Variants in PGAP1 observed in about 807,000 individuals in gnomAD.
The protein encoded by PGAP1 is post-GPI attachment to proteins inositol deacylase 1, also known as GPI inositol-deacylase.
In PGAP1, 76 loss-of-function variants were observed where a neutral mutation model predicts 127.0. That is an observed-to-expected ratio of 0.60 (90% CI 0.50 to 0.72). The LOEUF is 0.72. PGAP1 is among the 30% of genes least tolerant of loss of function. PGAP1 has a pLI of 0.00. For synonymous variants in PGAP1, 362 were observed against 366.5 expected (o/e 0.99, Z 0.14); for missense variants, 982 against 1,071.3 (o/e 0.92, Z 1.16).
chr2:196,916,045 G>C (rs558384468), intron 3 of PGAP1, among the ~76,000 whole-genome samples: 1 of 152,138 alleles, frequency 6.6e-6, no homozygotes. Context: ...CTCAAAACAG[G>C]TGCTTCACAT....
chr2:196,916,486 C>G lies in PGAP1; in HGVS notation c.409G>C (p.Gly137Arg), dbSNP rs1405035738. 6.2e-7 allele frequency: 1 copy of G among 1,613,392 alleles called. No individual in the cohort carries two copies. Among genetic ancestry groups the G allele is most frequent in the Admixed American group, 1.7e-5 (1 of 59,938 alleles). Residue 137 changes from glycine to arginine, a missense_variant, in exon 3 of 27, where the codon GGT (glycine) becomes CGT (arginine). Physicochemically the swap from Gly to Arg is moderately radical, Grantham distance 125. Transcript: ENST00000354764. ...NFNEELVALY[G>R]GSLQKQTKFV... The stretch of plus-strand genomic sequence containing the variant: ...TTGGTCTGCTTCTGAAGACTTCCAC[C>G]ATACAAAGCCACCAGTTCTTCATTG...
At chr2:196,921,654 T>C (rs1007021945) in intron 1 of PGAP1, among the ~76,000 whole-genome samples, 3 of 152,086 alleles carry the variant, frequency 2.0e-5, no homozygotes, top group African/African-American at 7.2e-5. Context: ...TAAAAAGAAA[T>C]ATTTAATTTT....
At chr2:196,897,449 C>A (rs1278430674) in intron 6 of PGAP1, among the ~76,000 whole-genome samples, 2 of 152,210 alleles carry the variant, frequency 1.3e-5, no homozygotes, top group Non-Finnish European at 2.9e-5. Flanking sequence ...AATCCCCTCA[C>A]CTAGCCTAGC....
At chr2:196,850,942 T>C (rs1176946534) in intron 20 of PGAP1, among the ~76,000 whole-genome samples, 3 of 152,068 alleles carry the variant, frequency 2.0e-5, no homozygotes, top group Non-Finnish European at 2.9e-5. Context: ...GCTCTAATTA[T>C]CAATTTATAG....
intron 9 of PGAP1, 69 bp downstream of exon 9, chr2:196,892,277 C>G: frequency 1.4e-6 from 1 of 728,456 alleles, no homozygotes; most frequent in Admixed American, 2.7e-5. Context: ...GAGTCTTTAA[C>G]TTTTAAAGAT....
intron 6 of PGAP1, 56 bp downstream of exon 6, chr2:196,898,261 A>T: frequency 2.6e-6 from 3 of 1,147,768 alleles, no homozygotes; most frequent in Non-Finnish European, 3.8e-6. Context: ...TACTGCATTG[A>T]GGAGAAAGAG....
intron 22 of PGAP1, 121 bp from the exon 23 acceptor site, chr2:196,846,138 AAAC>A: frequency 2.0e-6 from 1 of 503,540 alleles, no homozygotes. Context: ...TACATAAGGT[AAAC>A]AACAAGGTAT....
intron 4 of PGAP1, 152 bp from the exon 5 acceptor site, chr2:196,902,894 T>A: frequency 1.9e-6 from 1 of 534,668 alleles, no homozygotes; most frequent in East Asian, 3.2e-5. Flanking sequence ...CTATTTTCAG[T>A]AAAATCAGTA....
intron 14 of PGAP1, among the ~76,000 whole-genome samples, chr2:196,874,129 A>G (rs1285186138): frequency 6.6e-6 from 1 of 152,060 alleles, no homozygotes; most frequent in Non-Finnish European, 1.5e-5. Context: ...GGGTAGGGGG[A>G]AAAATAAAAA....
At chr2:196,899,495 C>T (rs977277921) in intron 5 of PGAP1, among the ~76,000 whole-genome samples, 1 of 152,180 alleles carries the variant, frequency 6.6e-6, no homozygotes, top group Admixed American at 6.5e-5. Flanking sequence ...TCTTAAATTA[C>T]ATTAATGGTC....
intron 20 of PGAP1, among the ~76,000 whole-genome samples, chr2:196,851,960 T>G (rs1464582731): frequency 6.6e-6 from 1 of 152,180 alleles, no homozygotes; most frequent in South Asian, 2.1e-4. Flanking sequence ...TGGTTTTCTG[T>G]GTGTCAAATT....
Position 196,894,726 on chromosome 2 carries a change from C to T in PGAP1, c.928-1481G>A, listed in dbSNP as rs556259849. On this transcript the variant is annotated intron_variant, in intron 7 of 26. Transcript: ENST00000354764. ...CTGAGGCAGAAGAATGGCATGAACC[C>T]GGGAGGCGGAGCTTGCAGTGAGCCG... 2.6e-4 allele frequency among the ~76,000 whole-genome samples: 40 copies of T among 152,102 alleles called. 1 individual carries two copies. The South Asian group carries it at 7.3e-3, about 28-fold the overall frequency.
intron 12 of PGAP1, among the ~76,000 whole-genome samples, chr2:196,883,651 A>G (rs113478477): frequency 6.6e-6 from 1 of 152,218 alleles, no homozygotes; most frequent in Non-Finnish European, 1.5e-5. Context: ...GGCTCCATCT[A>G]TTTATTAAAA....
At chr2:196,925,510 A>T (rs546668868) in intron 1 of PGAP1, among the ~76,000 whole-genome samples, 72 of 152,348 alleles carry the variant, frequency 4.7e-4, no homozygotes, top group Middle Eastern at 3.4e-3. Flanking sequence ...TCATTCGGAA[A>T]AATTCTCTTA....
At chr2:196,845,664 T>G (rs959471925) in intron 23 of PGAP1, among the ~76,000 whole-genome samples, 7 of 152,042 alleles carry the variant, frequency 4.6e-5, no homozygotes, top group Non-Finnish European at 7.4e-5. Flanking sequence ...CCTTTCCCTT[T>G]CCTTTTTAAC....
At chr2:196,853,866 C>T (rs1387737686) in intron 20 of PGAP1, among the ~76,000 whole-genome samples, 1 of 150,052 alleles carries the variant, frequency 6.7e-6, no homozygotes, top group Non-Finnish European at 1.5e-5. Context: ...TTTGATCAAG[C>T]GTTTTGAACC....
At chr2:196,860,790 T>A (rs759599738) in intron 20 of PGAP1, among the ~76,000 whole-genome samples, 18 of 152,070 alleles carry the variant, frequency 1.2e-4, no homozygotes, top group Middle Eastern at 3.2e-3. Context: ...TTCAATGAAA[T>A]CCCCATCAAA....
chr2:196,846,980 G>C (rs1245945878), intron 22 of PGAP1, 23 bp downstream of exon 22: 1 of 1,564,310 alleles, frequency 6.4e-7, no homozygotes, highest in African/African-American at 1.4e-5. Flanking sequence ...CAATAAGAAA[G>C]CTGTTAATCA....
intron 3 of PGAP1, 129 bp downstream of exon 3, chr2:196,916,289 A>C (rs1703005508): frequency 1.3e-6 from 1 of 774,738 alleles, no homozygotes; most frequent in East Asian, 3.2e-5. Flanking sequence ...GACTCTCACA[A>C]AAAAAATTTG....
Sources: gnomAD v4.1 joint callset for allele counts (sites outside exome capture counted in the v4.1 genomes callset) on GRCh38, gnomAD v4.1.1 for gene constraint, MANE v1.5 for transcripts, NCBI Gene and HGNC (gene_info 2026-07-23, HGNC 2026-07-21) for gene names.